The following CNTNAP2 variants were observed in gnomAD, a reference collection of about 807,000 sequenced individuals.
The protein encoded by CNTNAP2 is contactin-associated protein-like 2.
In CNTNAP2, 98 loss-of-function variants were observed where a neutral mutation model predicts 155.2. The observed-to-expected ratio is 0.63, with a 90% CI of 0.54 to 0.75. CNTNAP2 has a LOEUF of 0.75. Ranked by LOEUF, CNTNAP2 falls within the 30% of genes least tolerant of loss-of-function variation. The probability of loss-of-function intolerance (pLI) is 0.00; values close to 1 mark genes in which losing one functional copy is unlikely to be tolerated. For missense variants in CNTNAP2, 1,727 were observed against 1,688.1 expected (o/e 1.02, Z -0.40); for synonymous variants, 651 against 631.2 (o/e 1.03, Z -0.47).
chr7:147,444,465 G>GA (rs774229720), intron 10 of CNTNAP2, among the ~76,000 whole-genome samples: 3 of 148,950 alleles, frequency 2.0e-5, no homozygotes, highest in Non-Finnish European at 4.4e-5. Flanking sequence ...TTTTATATAA[G>GA]AAAAATTTTG....
At position 146,351,753 on chromosome 7, in the gene CNTNAP2, ATCTAAGTTCT is replaced by A. The variant is rs546259050; in HGVS notation, c.97+234786_97+234795del. Among the ~76,000 whole-genome samples, 17 of 152,316 alleles carry A rather than the reference ATCTAAGTTCT, an allele frequency of 1.1e-4. No individual in the cohort carries two copies. In the East Asian group the frequency reaches 2.9e-3, roughly 26 times the overall value. ...TTATATTGCCATCGTCATTAGCATT[ATCTAAGTTCT>A]TCTAAACTTTATTGCTGTGACAAAA... On this transcript the variant is annotated intron_variant, in intron 1 of 23. Transcript: ENST00000361727.
chr7:146,715,337 A>C (rs1801169337), intron 1 of CNTNAP2, among the ~76,000 whole-genome samples: 1 of 152,146 alleles, frequency 6.6e-6, no homozygotes, highest in Non-Finnish European at 1.5e-5. Flanking sequence ...CATCTCAAGA[A>C]AACAAACAAA....
intron 1 of CNTNAP2, among the ~76,000 whole-genome samples, chr7:146,750,467 T>C (rs925484547): frequency 6.6e-6 from 1 of 152,342 alleles, no homozygotes; most frequent in Non-Finnish European, 1.5e-5. Context: ...CTCATGATTT[T>C]GATCCCATGA....
intron 1 of CNTNAP2, among the ~76,000 whole-genome samples, chr7:146,741,065 T>C (rs962942872): frequency 6.6e-6 from 1 of 152,088 alleles, no homozygotes; most frequent in African/African-American, 2.4e-5. Context: ...AAAAATCCTG[T>C]GCTCACATCC....
chr7:146,930,433 A>G (rs1394032876), intron 3 of CNTNAP2, among the ~76,000 whole-genome samples: 2 of 152,184 alleles, frequency 1.3e-5, no homozygotes, highest in Non-Finnish European at 2.9e-5. Context: ...GAGCTCCTGA[A>G]GGAAGCACTA....
At chr7:147,296,399 C>T (rs1563150301) in intron 8 of CNTNAP2, among the ~76,000 whole-genome samples, 1 of 152,196 alleles carries the variant, frequency 6.6e-6, no homozygotes, top group Non-Finnish European at 1.5e-5. Context: ...TTTCAGTAAA[C>T]ACTGCTGCTT....
At chr7:147,227,479 G>A (rs545140906) in intron 8 of CNTNAP2, among the ~76,000 whole-genome samples, 3 of 152,286 alleles carry the variant, frequency 2.0e-5, no homozygotes, top group Admixed American at 1.3e-4. Context: ...GTTGAAAAAG[G>A]CTGACCAGTT....
intron 2 of CNTNAP2, among the ~76,000 whole-genome samples, chr7:146,818,559 C>T (rs142071439): frequency 1.8e-4 from 28 of 152,136 alleles, no homozygotes; most frequent in African/African-American, 6.3e-4. Flanking sequence ...GCACACGATG[C>T]GGAATCGGAC....
At chr7:147,874,457 G>T (rs1290234001) in intron 13 of CNTNAP2, among the ~76,000 whole-genome samples, 3 of 152,026 alleles carry the variant, frequency 2.0e-5, no homozygotes, top group Admixed American at 6.6e-5. Flanking sequence ...CTGAAGCCAC[G>T]GCTCAAGCTG....
chr7:146,128,529 TA>T (rs1324546149), intron 1 of CNTNAP2, among the ~76,000 whole-genome samples: 1 of 152,154 alleles, frequency 6.6e-6, no homozygotes, highest in Non-Finnish European at 1.5e-5. Flanking sequence ...AGAATCTAAT[TA>T]AATATAATTT....
At chr7:147,047,581 A>C (rs1799390506) in intron 4 of CNTNAP2, among the ~76,000 whole-genome samples, 2 of 152,116 alleles carry the variant, frequency 1.3e-5, no homozygotes, top group Non-Finnish European at 2.9e-5. Flanking sequence ...ATTGCTAGAC[A>C]CGTATTTATT....
intron 1 of CNTNAP2, among the ~76,000 whole-genome samples, chr7:146,506,769 C>G (rs1201557949): frequency 1.3e-5 from 2 of 152,204 alleles, no homozygotes; most frequent in African/African-American, 4.8e-5. Flanking sequence ...CCACAGTGCC[C>G]TGAGTTCAAC....
At chr7:148,106,629 G>C (rs1387902157) in intron 15 of CNTNAP2, among the ~76,000 whole-genome samples, 1 of 151,666 alleles carries the variant, frequency 6.6e-6, no homozygotes, top group Non-Finnish European at 1.5e-5. Context: ...CCAAAGTGCT[G>C]GGATTATAGA....
intron 15 of CNTNAP2, among the ~76,000 whole-genome samples, chr7:147,994,198 C>G (rs560661078): frequency 1.3e-5 from 2 of 151,920 alleles, no homozygotes; most frequent in Non-Finnish European, 2.9e-5. Context: ...TAGCAAGACC[C>G]TGTATTTACA....
chr7:147,110,376 T>TA (rs1563080006), intron 5 of CNTNAP2, among the ~76,000 whole-genome samples: 4 of 151,492 alleles, frequency 2.6e-5, no homozygotes, highest in South Asian at 2.1e-4. Flanking sequence ...TTTTTTTTTT[T>TA]AAATTTAAGT....
chr7:146,811,459 T>C (rs1359588908), intron 2 of CNTNAP2, among the ~76,000 whole-genome samples: 7 of 152,164 alleles, frequency 4.6e-5, no homozygotes, highest in African/African-American at 1.7e-4. Context: ...ATACTTTGTA[T>C]TTCCGTGGTA....
intron 21 of CNTNAP2, among the ~76,000 whole-genome samples, chr7:148,353,520 G>T (rs1157722702): frequency 6.6e-6 from 1 of 152,130 alleles, no homozygotes; most frequent in Non-Finnish European, 1.5e-5. Context: ...TGGATTTTAA[G>T]CACAATGCTA....
At chr7:146,972,643 T>C (rs982149712) in intron 3 of CNTNAP2, among the ~76,000 whole-genome samples, 2 of 152,230 alleles carry the variant, frequency 1.3e-5, no homozygotes, top group South Asian at 4.1e-4. Context: ...GGGTGATTTA[T>C]TCCACAGAGC....
chr7:147,788,517 G>A (rs1470151252), intron 13 of CNTNAP2, among the ~76,000 whole-genome samples: 1 of 152,286 alleles, frequency 6.6e-6, no homozygotes, highest in East Asian at 1.9e-4. Context: ...TATGCTCTTT[G>A]TTGCTCAAAG....
Sources: gnomAD v4.1 joint callset for allele counts (sites outside exome capture counted in the v4.1 genomes callset) on GRCh38, gnomAD v4.1.1 for gene constraint, MANE v1.5 for transcripts, NCBI Gene and HGNC (gene_info 2026-07-23, HGNC 2026-07-21) for gene names.